Variants in ETV6 observed in about 807,000 individuals in gnomAD.
ETV6 encodes the protein ETS variant transcription factor 6.
ETV6 carries 16 observed loss-of-function variants against 51.1 expected under a neutral mutation model. The observed-to-expected ratio is 0.31, with a 90% confidence interval of 0.21 to 0.48. The LOEUF is 0.48. Ranked by LOEUF, ETV6 falls within the 20% of genes least tolerant of loss-of-function variation. The pLI, the probability that ETV6 is intolerant of heterozygous loss-of-function variation, is 0.99. For missense variants in ETV6, 458 were observed against 594.8 expected, an observed-to-expected ratio of 0.77 and a Z score of 2.39; for synonymous variants, 240 against 224.1, an observed-to-expected ratio of 1.07 and a Z score of -0.64.
At chr12:11,700,149 A>C (rs111292662) in intron 1 of ETV6, among the ~76,000 whole-genome samples, 96 of 152,318 alleles carry the variant, frequency 6.3e-4, no homozygotes, top group African/African-American at 2.2e-3. Flanking sequence ...ATCGAGTGAA[A>C]GGTATTTGAA....
chr12:11,831,615 A>G (rs1946247772), intron 2 of ETV6, among the ~76,000 whole-genome samples: 1 of 152,204 alleles, frequency 6.6e-6, no homozygotes. Flanking sequence ...AGGGAATATC[A>G]CCTACAATTT....
chr12:11,843,486 A>G (rs1422911449), intron 3 of ETV6, among the ~76,000 whole-genome samples: 1 of 152,152 alleles, frequency 6.6e-6, no homozygotes, highest in Non-Finnish European at 1.5e-5. Context: ...TTCTCACCAC[A>G]TGGATCCTAA....
chr12:11,699,038 G>T (rs1864929121), intron 1 of ETV6, among the ~76,000 whole-genome samples: 1 of 152,222 alleles, frequency 6.6e-6, no homozygotes, highest in Admixed American at 6.5e-5. Context: ...ATTAGAGCAC[G>T]ATGCTGCCAT....
chr12:11,813,176 A>G (rs1473856671), intron 2 of ETV6, among the ~76,000 whole-genome samples: 1 of 152,270 alleles, frequency 6.6e-6, no homozygotes, highest in African/African-American at 2.4e-5. Context: ...ACAGGAAATC[A>G]GAATTTTCCA....
intron 2 of ETV6, among the ~76,000 whole-genome samples, chr12:11,821,381 G>A (rs1315572367): frequency 6.6e-6 from 1 of 151,940 alleles, no homozygotes; most frequent in Non-Finnish European, 1.5e-5. Flanking sequence ...AATAAAGAAA[G>A]AAAGAAGAAA....
At chr12:11,765,923 G>C (rs933112390) in intron 2 of ETV6, among the ~76,000 whole-genome samples, 3 of 152,212 alleles carry the variant, frequency 2.0e-5, no homozygotes, top group Admixed American at 1.3e-4. Context: ...GGACAGTCCC[G>C]TGGTGGGTGT....
At chr12:11,682,222 G>T (rs1335306174) in intron 1 of ETV6, among the ~76,000 whole-genome samples, 1 of 152,136 alleles carries the variant, frequency 6.6e-6, no homozygotes, top group African/African-American at 2.4e-5. Flanking sequence ...ATCCTCTCCA[G>T]CATCTTTTGT....
At chr12:11,847,012 A>G (rs1475611844) in intron 3 of ETV6, among the ~76,000 whole-genome samples, 1 of 152,214 alleles carries the variant, frequency 6.6e-6, no homozygotes, top group East Asian at 1.9e-4. Flanking sequence ...AGCTGGGACT[A>G]CAGGCAGAGG....
intron 2 of ETV6, among the ~76,000 whole-genome samples, chr12:11,813,858 A>G (rs1238797412): frequency 6.6e-6 from 1 of 152,266 alleles, no homozygotes; most frequent in African/African-American, 2.4e-5. Flanking sequence ...AGGATTAACC[A>G]CAATAATAAT....
At chr12:11,839,088 T>G in intron 2 of ETV6, 52 bp from the exon 3 acceptor site, 1 of 1,572,338 alleles carries the variant, frequency 6.4e-7, no homozygotes, top group Non-Finnish European at 8.7e-7. Flanking sequence ...TCCAGCTGTC[T>G]AACTGACAAG....
intron 1 of ETV6, among the ~76,000 whole-genome samples, chr12:11,666,668 C>T (rs1326654253): frequency 6.6e-6 from 1 of 152,154 alleles, no homozygotes; most frequent in African/African-American, 2.4e-5. Context: ...ATTTCTGTTG[C>T]CATTGAGGTA....
At chr12:11,824,726 C>T (rs942020560) in intron 2 of ETV6, among the ~76,000 whole-genome samples, 21 of 152,108 alleles carry the variant, frequency 1.4e-4, no homozygotes, top group African/African-American at 4.8e-4. Flanking sequence ...GAGCCTAGAT[C>T]GCGCTAATGC....
intron 1 of ETV6, among the ~76,000 whole-genome samples, chr12:11,667,172 C>T (rs1864210298): frequency 6.6e-6 from 1 of 152,208 alleles, no homozygotes; most frequent in Admixed American, 6.5e-5. Context: ...CAGTGTCCAG[C>T]ACGGTGCCTG....
rs1465692802 is a variant in ETV6 at position 11,649,985 on chromosome 12, C to T, written c.-143C>T. 2.6e-6 allele frequency: 2 copies of T among 771,458 alleles called. No homozygotes were observed. Among genetic ancestry groups the T allele is most frequent in the South Asian group, 1.8e-5 (1 of 57,124 alleles). The allele number at this position is 771,458 out of a possible 1,614,324, so 47.8% of individuals were successfully genotyped here. A position where few individuals can be genotyped will look rare whatever the true frequency, so the allele number is the denominator to read the frequency against. Reference sequence around the variant, plus strand: ...CCGCCCCGCCCCGCGCGCTCCAGACCCCCGGGGCGGCTGCCGGGAGAGATG... The same window carrying T: ...CCGCCCCGCCCCGCGCGCTCCAGACTCCCGGGGCGGCTGCCGGGAGAGATG... On this transcript the variant is annotated 5_prime_UTR_variant, in exon 1 of 8. Transcript: ENST00000396373.
intron 5 of ETV6, 108 bp downstream of exon 5, chr12:11,870,077 C>T: frequency 2.3e-6 from 3 of 1,312,488 alleles, no homozygotes; most frequent in South Asian, 1.5e-5. Context: ...ATTAGGCGCC[C>T]TCCAAGGCTC....
chr12:11,752,072 C>T (rs1034477083), intron 1 of ETV6, among the ~76,000 whole-genome samples: 2 of 152,176 alleles, frequency 1.3e-5, no homozygotes, highest in Non-Finnish European at 2.9e-5. Context: ...ATAGTGATGG[C>T]ATTAATTATG....
chr12:11,667,894 G>A (rs1864226052), intron 1 of ETV6, among the ~76,000 whole-genome samples: 1 of 151,526 alleles, frequency 6.6e-6, no homozygotes, highest in Non-Finnish European at 1.5e-5. Flanking sequence ...CAGAGACAGA[G>A]TTTCACCATC....
chr12:11,863,114 G>A (rs1359408339), intron 4 of ETV6, among the ~76,000 whole-genome samples: 1 of 152,144 alleles, frequency 6.6e-6, no homozygotes, highest in East Asian at 1.9e-4. Context: ...ATGCAAACTT[G>A]ATCTTAGCCT....
intron 5 of ETV6, among the ~76,000 whole-genome samples, chr12:11,874,845 A>G (rs1041813727): frequency 8.2e-5 from 12 of 145,968 alleles, no homozygotes; most frequent in Admixed American, 4.8e-4. Context: ...GAATTGAACA[A>G]TGAGAACACA....
Sources: gnomAD v4.1 joint callset for allele counts (sites outside exome capture counted in the v4.1 genomes callset) on GRCh38, gnomAD v4.1.1 for gene constraint, MANE v1.5 for transcripts, NCBI Gene and HGNC (gene_info 2026-07-23, HGNC 2026-07-21) for gene names.